Variants in DAB1 observed in about 807,000 individuals in gnomAD.
DAB1 encodes the protein DAB adaptor protein 1.
DAB1 carries 15 observed loss-of-function variants against 64.6 expected under a neutral mutation model. The ratio of observed to expected loss-of-function variants is 0.23; its 90% CI spans 0.16 to 0.36. DAB1 has a LOEUF of 0.36. DAB1 is among the 10% of genes least tolerant of loss of function. The probability of loss-of-function intolerance (pLI) is 1.00; values close to 1 mark genes in which losing one functional copy is unlikely to be tolerated. For synonymous variants in DAB1, 235 were observed against 251.9 expected (o/e 0.93, Z 0.64); for missense variants, 596 against 706.7 (o/e 0.84, Z 1.78).
intron 4 of DAB1, among the ~76,000 whole-genome samples, chr1:57,099,445 TC>T (rs1654467145): frequency 6.6e-6 from 1 of 152,220 alleles, no homozygotes; most frequent in South Asian, 2.1e-4. Context: ...TCACGGGTAC[TC>T]AATAAATGTT....
In DAB1 at chr1:57,608,011, G is replaced by A. The variant is rs942937825; in HGVS notation, n.625+41581C>T. On this transcript the variant is annotated intron_variant and non_coding_transcript_variant, in intron 7 of 20. Coordinates refer to the DAB1 transcript ENST00000485760. ...CAAAAATAACTGCTGGACAGCCAAC[G>A]CCCTTTCTTCTTCCTCTACTCCCAT... 6.6e-5 allele frequency among the ~76,000 whole-genome samples: 10 copies of A among 152,036 alleles called. No homozygotes were observed. The East Asian group carries it at 1.2e-3, about 18-fold the overall frequency.
chr1:56,999,393 G>C (rs1296011486), intron 14 of DAB1, among the ~76,000 whole-genome samples: 3 of 152,194 alleles, frequency 2.0e-5, no homozygotes, highest in African/African-American at 7.2e-5. Flanking sequence ...TTACAACAGT[G>C]ACCATGAGGA....
At chr1:58,016,480 C>G (rs1277677303) in intron 5 of DAB1, among the ~76,000 whole-genome samples, 1 of 152,152 alleles carries the variant, frequency 6.6e-6, no homozygotes, top group East Asian at 1.9e-4. Context: ...CCTGCTGAAC[C>G]CCAGATACAT....
intron 4 of DAB1, among the ~76,000 whole-genome samples, chr1:58,309,220 T>C (rs1662375123): frequency 6.6e-6 from 1 of 152,182 alleles, no homozygotes. Context: ...AACAATCTCA[T>C]GGTTTTCCTA....
At chr1:57,078,148 C>G (rs779436119) in intron 4 of DAB1, among the ~76,000 whole-genome samples, 1 of 152,206 alleles carries the variant, frequency 6.6e-6, no homozygotes, top group East Asian at 1.9e-4. Context: ...GGCAACCCAT[C>G]ATCAAACACT....
At chr1:57,183,442 G>A (rs1299381401) in intron 2 of DAB1, among the ~76,000 whole-genome samples, 2 of 152,162 alleles carry the variant, frequency 1.3e-5, no homozygotes, top group African/African-American at 4.8e-5. Flanking sequence ...CAGTTGCCAC[G>A]ATTATGGGTT....
intron 4 of DAB1, among the ~76,000 whole-genome samples, chr1:58,211,713 C>G (rs1471966406): frequency 3.3e-5 from 5 of 152,158 alleles, no homozygotes; most frequent in Admixed American, 1.3e-4. Flanking sequence ...GCCCTTAAAA[C>G]AACTCATTAT....
At chr1:58,437,925 C>T (rs1343978491) in intron 3 of DAB1, among the ~76,000 whole-genome samples, 2 of 152,134 alleles carry the variant, frequency 1.3e-5, no homozygotes, top group Non-Finnish European at 2.9e-5. Context: ...GGGTATTTGA[C>T]TCATGCAGGG....
At chr1:57,878,919 T>C (rs982458174) in intron 1 of DAB1, 6 of 152,144 alleles carry the variant, frequency 3.9e-5, no homozygotes, top group Non-Finnish European at 8.8e-5. Context: ...AGTAAGAACA[T>C]GTGATGTTTG....
chr1:57,743,144 G>C (rs1413746799), intron 6 of DAB1, among the ~76,000 whole-genome samples: 1 of 152,142 alleles, frequency 6.6e-6, no homozygotes, highest in Non-Finnish European at 1.5e-5. Flanking sequence ...TCAGGCCTCT[G>C]AGCCCAAGCC....
rs60360589 is a variant in DAB1 at position 58,541,614 on chromosome 1, C to CAAAAAAAA, written n.32+5081_32+5088dup. The CAAAAAAAA allele has an allele frequency of 4.4e-3, 286 of 65,566 alleles. 2 individuals carry two copies. The highest frequency in any genetic ancestry group is 6.5e-3 in the Non-Finnish European group (241 of 37,248). The allele number at this position is 65,566 out of a possible 1,614,324, so 4.1% of individuals were successfully genotyped here. A position where few individuals can be genotyped will look rare whatever the true frequency, so the allele number is the denominator to read the frequency against. ...CGTGGGCAACAGAATGAGAACCTGT[C>CAAAAAAAA]AAAAAAAAAAAAAAAAAAAAAAAAA... is the stretch of plus-strand genomic sequence containing the variant. On this transcript the variant is annotated intron_variant and non_coding_transcript_variant, in intron 1 of 20. Transcript: ENST00000485760.
rs1170750560 is a variant in DAB1, at chr1:56,997,462, T to C, written c.*682A>G. On this transcript the variant is annotated 3_prime_UTR_variant, in exon 15 of 15. Coordinates refer to ENST00000371236, the MANE Select transcript of DAB1 (RefSeq NM_001365792.1). ...GTCTTGTAATTTCAAGTTAATTCAT[T>C]TCACTGAGGCTTTTTTTCTCCCCAG... 6.6e-6 allele frequency: 1 copy of C among 152,202 alleles called. No individual in the cohort carries two copies. The allele number at this position is 152,202 out of a possible 1,614,324, so 9.4% of individuals were successfully genotyped here.
chr1:57,864,589 T>C (rs1038253775), intron 1 of DAB1: 11 of 152,026 alleles, frequency 7.2e-5, no homozygotes, highest in East Asian at 1.9e-4. Flanking sequence ...AGCAGTATGA[T>C]TGGGGGTAAG....
chr1:57,361,907 A>G (rs931547545), intron 1 of DAB1, among the ~76,000 whole-genome samples: 1 of 152,154 alleles, frequency 6.6e-6, no homozygotes, highest in Non-Finnish European at 1.5e-5. Flanking sequence ...TGATACAACA[A>G]TCAGAAGAGT....
intron 6 of DAB1, among the ~76,000 whole-genome samples, chr1:57,705,985 C>A (rs972575607): frequency 1.3e-5 from 2 of 149,614 alleles, no homozygotes; most frequent in African/African-American, 4.9e-5. Flanking sequence ...TCACGGCTTA[C>A]TTTTTTTCAA....
intron 5 of DAB1, among the ~76,000 whole-genome samples, chr1:58,018,227 C>G (rs1570234045): frequency 1.3e-5 from 2 of 152,128 alleles, no homozygotes. Context: ...TCTCTCCTTG[C>G]TTCCCTACTA....
chr1:58,439,075 T>G (rs1644978127), intron 3 of DAB1, among the ~76,000 whole-genome samples: 1 of 151,550 alleles, frequency 6.6e-6, no homozygotes, highest in Non-Finnish European at 1.5e-5. Context: ...GCAGCAGAGA[T>G]ATCGTTCCCC....
intron 6 of DAB1, among the ~76,000 whole-genome samples, chr1:57,796,557 AATAATC>A (rs57299540): frequency 0.065 from 9,678 of 149,386 alleles, 1,095 homozygotes; most frequent in African/African-American, 0.23. Flanking sequence ...TAATAATAAT[AATAATC>A]ATAATCATAA....
intron 4 of DAB1, among the ~76,000 whole-genome samples, chr1:58,317,560 G>A (rs1487949246): frequency 6.6e-6 from 1 of 152,210 alleles, no homozygotes; most frequent in Non-Finnish European, 1.5e-5. Context: ...TAAGAACATT[G>A]GTGCCCCCCT....
Sources: gnomAD v4.1 joint callset for allele counts (sites outside exome capture counted in the v4.1 genomes callset) on GRCh38, gnomAD v4.1.1 for gene constraint, MANE v1.5 for transcripts, NCBI Gene and HGNC (gene_info 2026-07-23, HGNC 2026-07-21) for gene names.